The following TNS3 variants were observed in gnomAD, a reference collection of about 807,000 sequenced individuals.
TNS3 encodes tensin 3, also known as tensin-3.
In TNS3, 45 loss-of-function variants were observed where a neutral mutation model predicts 140.9. The observed-to-expected ratio is 0.32, with a 90% CI of 0.25 to 0.41. TNS3 has a LOEUF of 0.41. Among genes scored for constraint, TNS3 ranks in the 10% least tolerant of loss-of-function variants. The probability of loss-of-function intolerance (pLI) is 1.00; values close to 1 mark genes in which losing one functional copy is unlikely to be tolerated. For synonymous variants in TNS3, 815 were observed against 788.4 expected, an observed-to-expected ratio of 1.03 and a Z score of -0.56; for missense variants, 1,716 against 1,906.7, an observed-to-expected ratio of 0.90 and a Z score of 1.86.
chr7:47,464,565 G>C (rs1013060581), intron 4 of TNS3, among the ~76,000 whole-genome samples: 2 of 152,086 alleles, frequency 1.3e-5, no homozygotes, highest in African/African-American at 4.8e-5. Context: ...ACCACCAGGA[G>C]GGCATATTAG....
chr7:47,495,882 AG>A (rs1281761695), intron 3 of TNS3, among the ~76,000 whole-genome samples: 1 of 152,216 alleles, frequency 6.6e-6, no homozygotes, highest in African/African-American at 2.4e-5. Flanking sequence ...ATCTCGGCAG[AG>A]GGAAGGGGTA....
At chr7:47,536,882 A>G (rs1799618364) in intron 1 of TNS3, among the ~76,000 whole-genome samples, 1 of 152,184 alleles carries the variant, frequency 6.6e-6, no homozygotes, top group African/African-American at 2.4e-5. Context: ...ACAAGGGCAC[A>G]CGCATACACA....
intron 8 of TNS3, among the ~76,000 whole-genome samples, chr7:47,434,910 G>A (rs1795102185): frequency 6.6e-6 from 1 of 152,234 alleles, no homozygotes; most frequent in Non-Finnish European, 1.5e-5. Flanking sequence ...GGCATGGAAA[G>A]TCTGACACAG....
At chr7:47,358,788 C>T (rs556141742) in intron 17 of TNS3, among the ~76,000 whole-genome samples, 20 of 152,184 alleles carry the variant, frequency 1.3e-4, no homozygotes, top group Admixed American at 1.0e-3. Context: ...GTCGTAACTG[C>T]TCCACCCTGA....
chr7:47,500,664 G>GTACAAAT (rs1798178194), intron 3 of TNS3, among the ~76,000 whole-genome samples: 1 of 152,208 alleles, frequency 6.6e-6, no homozygotes, highest in African/African-American at 2.4e-5. Context: ...AGTTCAGAGG[G>GTACAAAT]AGTAACCATC....
chr7:47,484,945 C>CAT (rs1797555392), intron 3 of TNS3, among the ~76,000 whole-genome samples: 1 of 152,222 alleles, frequency 6.6e-6, no homozygotes, highest in Admixed American at 6.5e-5. Context: ...ATGTTCTTAA[C>CAT]ATGCCAGTCT....
chr7:47,464,305 T>C (rs1057006074), intron 4 of TNS3, among the ~76,000 whole-genome samples: 4 of 152,172 alleles, frequency 2.6e-5, no homozygotes, highest in Non-Finnish European at 5.9e-5. Flanking sequence ...CTGGAGCACG[T>C]ACGACAGAAG....
intron 8 of TNS3, among the ~76,000 whole-genome samples, chr7:47,434,080 CTA>C (rs1052440031): frequency 3.9e-5 from 6 of 152,186 alleles, no homozygotes; most frequent in African/African-American, 1.4e-4. Context: ...AGAGACAACA[CTA>C]GAGAGAAGCA....
intron 1 of TNS3, among the ~76,000 whole-genome samples, chr7:47,554,729 G>A (rs1283192350): frequency 1.3e-5 from 2 of 152,156 alleles, no homozygotes; most frequent in African/African-American, 2.4e-5. Flanking sequence ...CAAAGAAAGT[G>A]GTTTCTTAAG....
At chr7:47,517,368 C>T (rs917140505) in intron 2 of TNS3, among the ~76,000 whole-genome samples, 1 of 152,152 alleles carries the variant, frequency 6.6e-6, no homozygotes, top group Non-Finnish European at 1.5e-5. Flanking sequence ...GTGTCATTAC[C>T]AATCTTTACC....
At chr7:47,280,656 G>A (rs1173190623) in intron 28 of TNS3, among the ~76,000 whole-genome samples, 2 of 152,208 alleles carry the variant, frequency 1.3e-5, no homozygotes, top group Non-Finnish European at 2.9e-5. Context: ...GCTCACGCCT[G>A]TAATCCCAGC....
intron 3 of TNS3, among the ~76,000 whole-genome samples, chr7:47,498,948 C>T (rs2271311): frequency 0.19 from 29,642 of 152,272 alleles, 3,003 homozygotes; most frequent in East Asian, 0.32. Flanking sequence ...TGGTGTCGCC[C>T]AGCTGACGCA....
intron 16 of TNS3, among the ~76,000 whole-genome samples, chr7:47,389,115 A>T (rs377194080): frequency 1.9e-4 from 1 of 5,366 alleles, no homozygotes. Context: ...GAAGCAGAAG[A>T]AGAAGAAGAA....
intron 4 of TNS3, among the ~76,000 whole-genome samples, chr7:47,470,133 A>G (rs570155669): frequency 2.0e-4 from 31 of 152,252 alleles, no homozygotes; most frequent in African/African-American, 7.5e-4. Flanking sequence ...AAAACACCAC[A>G]TGTTCTCACA....
chr7:47,410,396 T>C (rs1190949689), intron 13 of TNS3, among the ~76,000 whole-genome samples: 1 of 152,208 alleles, frequency 6.6e-6, no homozygotes. Flanking sequence ...AAGTGCTTAC[T>C]CAATGCCTTG....
chr7:47,344,735 C>T lies in TNS3; in HGVS notation c.2650+20G>A, dbSNP rs1789223697. The stretch of plus-strand genomic sequence containing the variant: ...GCGCCTGAGTGCCGCGCGCCTGTGA[C>T]CCGCGGGTAGATTTCTTACCACGTC... On this transcript the variant is annotated intron_variant, in intron 20 of 30. Coordinates refer to ENST00000311160, the MANE Select transcript of TNS3 (RefSeq NM_022748.12). 6.2e-7 allele frequency: 1 copy of T among 1,607,604 alleles called. No individual in the cohort carries two copies. Among genetic ancestry groups the T allele is most frequent in the African/African-American group, 1.3e-5 (1 of 74,804 alleles).
Position 47,311,674 on chromosome 7 carries a change from G to T in TNS3, c.2651-6671C>A, listed in dbSNP as rs1300082743. On this transcript the variant is annotated intron_variant, in intron 20 of 30. Transcript: ENST00000311160. ...CAAAAGACAGTAAGACATGAGAAAT[G>T]ATTCTTAAAAATTCTAACATACCTA... 2.0e-5 allele frequency among the ~76,000 whole-genome samples: 3 copies of T among 152,086 alleles called. No individual in the cohort carries two copies. The East Asian group carries it at 5.8e-4, about 29-fold the overall frequency.
At chr7:47,365,055 G>C (rs1376752119) in intron 17 of TNS3, among the ~76,000 whole-genome samples, 1 of 152,142 alleles carries the variant, frequency 6.6e-6, no homozygotes, top group East Asian at 1.9e-4. Flanking sequence ...GAATTTTACT[G>C]GTCTGTTGTT....
intron 20 of TNS3, among the ~76,000 whole-genome samples, chr7:47,309,365 C>T (rs1006876692): frequency 3.3e-5 from 5 of 151,550 alleles, no homozygotes; most frequent in African/African-American, 9.7e-5. Flanking sequence ...ATTAATATCC[C>T]CAAGACTTAA....
Sources: gnomAD v4.1 joint callset for allele counts (sites outside exome capture counted in the v4.1 genomes callset) on GRCh38, gnomAD v4.1.1 for gene constraint, MANE v1.5 for transcripts, NCBI Gene and HGNC (gene_info 2026-07-23, HGNC 2026-07-21) for gene names.